Variants in UROC1 observed in about 807,000 individuals in gnomAD.
The protein encoded by UROC1 is urocanate hydratase.
A neutral mutation model predicts 89.5 loss-of-function variants in UROC1; 79 were observed. The ratio of observed to expected loss-of-function variants is 0.88; its 90% CI spans 0.74 to 1.06. UROC1 has a LOEUF of 1.06. UROC1 is among the 50% of genes least tolerant of loss of function. The pLI, the probability that UROC1 is intolerant of heterozygous loss-of-function variation, is 0.00. For synonymous variants in UROC1, 361 were observed against 354.8 expected (o/e 1.02, Z -0.20); for missense variants, 885 against 907.8 (o/e 0.97, Z 0.32).
intron 18 of UROC1, among the ~76,000 whole-genome samples, chr3:126,484,357 C>T (rs1290562436): frequency 6.6e-6 from 1 of 152,222 alleles, no homozygotes; most frequent in Non-Finnish European, 1.5e-5. Context: ...CCAGCCTTGG[C>T]TCCTGCTCAG....
At chr3:126,505,637 A>AAGGG (rs55684916) in intron 8 of UROC1, 64 bp downstream of exon 8, 357,458 of 1,505,958 alleles carry the variant, frequency 0.24, 36,287 homozygotes, top group Admixed American at 0.29. Flanking sequence ...CGGGAGGAAG[A>AAGGG]AGGGAGGGAG....
Position 126,492,468 on chromosome 3 carries a change from C to G in UROC1, c.1558G>C (p.Val520Leu), listed in dbSNP as rs374247096. The G allele has an allele frequency of 6.2e-7, 1 of 1,613,494 alleles. No individual in the cohort carries two copies. The highest frequency in any genetic ancestry group is 1.7e-5 in the Admixed American group (1 of 60,012). ...RILYSDQKGR[V>L]AIAVAINQAI... ...TGGTTAATGGCCACAGCGATGGCCA[C>G]GCGGCCCTTCTGGTCTGAGTACAGG... Residue 520 changes from valine to leucine, a missense_variant, in exon 16 of 20, where the codon GTG (valine) becomes CTG (leucine). Physicochemically the swap from Val to Leu is conservative, Grantham distance 32. Transcript: ENST00000290868.
intron 18 of UROC1, among the ~76,000 whole-genome samples, chr3:126,486,110 G>GGCTCC (rs1273315500): frequency 6.6e-6 from 1 of 152,166 alleles, no homozygotes; most frequent in East Asian, 1.9e-4. Flanking sequence ...AGCACCAAGG[G>GGCTCC]GCTCCGAAGG....
intron 18 of UROC1, among the ~76,000 whole-genome samples, chr3:126,483,917 A>G (rs929684484): frequency 2.6e-5 from 4 of 152,142 alleles, no homozygotes; most frequent in Admixed American, 2.6e-4. Flanking sequence ...GTATCTCACT[A>G]TGCTGCCCAG....
Position 126,492,441 on chromosome 3 carries a change from C to G in UROC1, c.1585G>C (p.Ala529Pro). The change falls in exon 16 of 20, where the codon GCC (alanine) becomes CCC (proline). Residue 529 changes from alanine to proline, a missense_variant. By Grantham distance (27) the Ala-to-Pro change is conservative. Transcript: ENST00000290868. ...ACCTTGATCCTCCTGCAGGCGATGG[C>G]CTGGTTAATGGCCACAGCGATGGCC... ...RVAIAVAINQAIACRRIKAPV... is the reference protein window; with the variant it reads ...RVAIAVAINQPIACRRIKAPV... The G allele has an allele frequency of 6.2e-7, 1 of 1,613,690 alleles. No individual in the cohort carries two copies. The highest frequency in any genetic ancestry group is 8.5e-7 in the Non-Finnish European group (1 of 1,179,962).
At chr3:126,486,843 A>G (rs1298475852) in intron 18 of UROC1, among the ~76,000 whole-genome samples, 1 of 152,132 alleles carries the variant, frequency 6.6e-6, no homozygotes, top group East Asian at 1.9e-4. Flanking sequence ...GTCCCTTTGG[A>G]GTAGCCATGG....
intron 14 of UROC1, 39 bp downstream of exon 14, chr3:126,498,012 G>A (rs765560098): frequency 2.5e-6 from 4 of 1,613,464 alleles, no homozygotes; most frequent in Non-Finnish European, 3.4e-6. Context: ...AGCTTTGGGG[G>A]GGCCACCCAC....
In UROC1 at chr3:126,512,628, T is replaced by C. The variant is rs577135635; in HGVS notation, c.127-1834A>G. Among the ~76,000 whole-genome samples the C allele has an allele frequency of 4.6e-5, 7 of 152,028 alleles. No homozygotes were observed. The East Asian group carries it at 1.4e-3, about 29-fold the overall frequency. On this transcript the variant is annotated intron_variant, in intron 1 of 19. Transcript: ENST00000290868. ...GTCCCAGCTACTCGGGAGGCTGAGG[T>C]AGGAAGATTGCTTGAGCCCAGGTGT... is the stretch of plus-strand genomic sequence containing the variant.
intron 4 of UROC1, 46 bp from the exon 5 acceptor site, chr3:126,508,141 C>G (rs766091020): frequency 6.2e-7 from 1 of 1,612,472 alleles, no homozygotes; most frequent in Non-Finnish European, 8.5e-7. Flanking sequence ...AGAAGCAGCA[C>G]CCCACACCCA....
chr3:126,488,619 A>G (rs1008027023), intron 17 of UROC1, among the ~76,000 whole-genome samples: 2 of 152,256 alleles, frequency 1.3e-5, no homozygotes, highest in East Asian at 1.9e-4. Context: ...AGTCACTCAT[A>G]TTCTTAAAAA....
intron 18 of UROC1, among the ~76,000 whole-genome samples, 198 bp downstream of exon 18, chr3:126,488,000 G>GCCC (rs1560115816): frequency 3.3e-5 from 5 of 152,174 alleles, no homozygotes; most frequent in African/African-American, 1.2e-4. Flanking sequence ...AGGTGGGGTG[G>GCCC]CTAATGCAAG....
intron 2 of UROC1, 118 bp downstream of exon 2, chr3:126,510,546 G>T: frequency 6.7e-7 from 1 of 1,499,444 alleles, no homozygotes; most frequent in Non-Finnish European, 9.0e-7. Context: ...TCCTGGTCTG[G>T]ACAGACTGGG....
rs1479859223 is a variant in UROC1, at chr3:126,500,088, G to C, written c.1212C>G (p.Gly404=). 14 of 1,613,650 alleles carry C rather than the reference G, an allele frequency of 8.7e-6. No homozygotes were observed. The highest frequency in any genetic ancestry group is 1.2e-5 in the Non-Finnish European group (14 of 1,180,008). ...AEEKFFFWDY[G]NAFLLEAQRA... ...TCTGGGCCTCCAAGAGGAAGGCATT[G>C]CCGTAGTCCCAGAAGAAGAACTTCT... The change falls in exon 12 of 20, where the codon GGC becomes GGG. Residue 404 remains glycine (G), a synonymous_variant. Coordinates refer to ENST00000290868, the MANE Select transcript of UROC1 (RefSeq NM_144639.3).
At chr3:126,490,537 T>C (rs1012495751) in intron 16 of UROC1, among the ~76,000 whole-genome samples, 15 of 152,028 alleles carry the variant, frequency 9.9e-5, no homozygotes, top group Non-Finnish European at 1.9e-4. Context: ...ATACCTAAAT[T>C]AGCCAGGTGT....
Position 126,503,982 on chromosome 3 carries a change from C to A in UROC1, c.902+13G>T. 2 of 1,614,010 alleles carry A rather than the reference C, an allele frequency of 1.2e-6. No homozygotes were observed. Among genetic ancestry groups the A allele is most frequent in the Middle Eastern group, 1.6e-4 (1 of 6,062 alleles). On this transcript the variant is annotated intron_variant, in intron 9 of 19. Transcript: ENST00000290868. ...CAGGTGTCAGGTGTCCGGAGTTGAG[C>A]TTGGAGCTGTACCTGAGCCTCTGGA...
rs202155267 is a variant in UROC1, at chr3:126,488,253, C to T, written c.1735G>A (p.Asp579Asn). The T allele has an allele frequency of 1.9e-6, 3 of 1,614,250 alleles. No homozygotes were observed. Among genetic ancestry groups the T allele is most frequent in the East Asian group, 2.2e-5 (1 of 44,876 alleles). Residue 579 changes from aspartate (D) to asparagine (N), a missense_variant, in exon 18 of 20, where the codon GAT becomes AAT. By Grantham distance (23) the Asp-to-Asn change is conservative. Coordinates refer to ENST00000290868, the MANE Select transcript of UROC1 (RefSeq NM_144639.3). The part of the protein sequence containing the change: ...ADMAVQNFVG[D>N]ACRGATWVAL... ...ACCCAGGTGGCTCCGCGACAGGCAT[C>T]TCCCACGAAGTTCTGCACAGCCATG...
chr3:126,508,528 G>A (rs1936122534), intron 3 of UROC1, 53 bp from the exon 4 acceptor site: 1 of 1,502,378 alleles, frequency 6.7e-7, no homozygotes, highest in African/African-American at 1.4e-5. Flanking sequence ...GGCCTATGGA[G>A]TTGCAGACAG....
At chr3:126,496,172 G>GT in intron 14 of UROC1, 64 bp from the exon 15 acceptor site, 1 of 1,537,332 alleles carries the variant, frequency 6.5e-7, no homozygotes, top group Non-Finnish European at 8.9e-7. Flanking sequence ...CCTCAGGCAG[G>GT]CTGCTCAGCT....
chr3:126,501,447 C>G, intron 9 of UROC1, 167 bp from the exon 10 acceptor site: 1 of 778,994 alleles, frequency 1.3e-6, no homozygotes, highest in Non-Finnish European at 2.1e-6. Context: ...CCTGCAGGAC[C>G]CCGACTTTTG....
Sources: allele counts gnomAD v4.1 joint callset (sites outside exome capture counted in the v4.1 genomes callset), GRCh38; gene constraint gnomAD v4.1.1; transcripts MANE v1.5; gene names NCBI Gene and HGNC (gene_info 2026-07-23, HGNC 2026-07-21).